Variants in DOK6 observed in about 807,000 individuals in gnomAD.
DOK6 encodes the protein downstream of tyrosine kinase 6.
Under a neutral mutation model 44.0 loss-of-function variants are expected in DOK6, and 22 were observed. The ratio of observed to expected loss-of-function variants is 0.50; its 90% confidence interval spans 0.36 to 0.71. DOK6 has a LOEUF of 0.71. Among genes scored for constraint, DOK6 ranks in the 30% least tolerant of loss-of-function variants. The pLI is 0.00. For missense variants in DOK6, 340 were observed against 416.4 expected (o/e 0.82, Z 1.60); for synonymous variants, 166 against 145.5 (o/e 1.14, Z -1.01).
At chr18:69,733,708 G>T (rs906339259) in intron 5 of DOK6, among the ~76,000 whole-genome samples, 2 of 144,914 alleles carry the variant, frequency 1.4e-5, no homozygotes, top group Non-Finnish European at 3.1e-5. Context: ...ACTTTCACCT[G>T]AAAAATACTT....
chr18:69,702,821 G>A (rs1010208552), intron 5 of DOK6, among the ~76,000 whole-genome samples: 1 of 152,118 alleles, frequency 6.6e-6, no homozygotes, highest in Non-Finnish European at 1.5e-5. Context: ...GACTATGAAT[G>A]AAGTTTAGGA....
chr18:69,522,146 T>A (rs1054490479), intron 1 of DOK6, among the ~76,000 whole-genome samples: 4 of 151,878 alleles, frequency 2.6e-5, no homozygotes, highest in Non-Finnish European at 5.9e-5. Flanking sequence ...AGGGATAATT[T>A]TACACAGTGT....
intron 1 of DOK6, among the ~76,000 whole-genome samples, chr18:69,424,391 A>C (rs1460350097): frequency 1.3e-5 from 2 of 152,146 alleles, no homozygotes; most frequent in Non-Finnish European, 2.9e-5. Context: ...ATGTTTATTG[A>C]CCAATAGATT....
At chr18:69,716,580 C>A (rs949651663) in intron 5 of DOK6, among the ~76,000 whole-genome samples, 1 of 151,664 alleles carries the variant, frequency 6.6e-6, no homozygotes, top group African/African-American at 2.4e-5. Context: ...TGCTAATCTG[C>A]CTCAAAATGT....
At chr18:69,433,990 C>G (rs923397658) in intron 1 of DOK6, among the ~76,000 whole-genome samples, 1 of 152,156 alleles carries the variant, frequency 6.6e-6, no homozygotes, top group South Asian at 2.1e-4. Flanking sequence ...AGCAAAATTT[C>G]CTGATCACAC....
At chr18:69,661,000 A>C (rs1236113900) in intron 3 of DOK6, 1 of 152,132 alleles carries the variant, frequency 6.6e-6, no homozygotes, top group Non-Finnish European at 1.5e-5. Flanking sequence ...TTTGATTACA[A>C]ATTCAACTGA....
intron 1 of DOK6, among the ~76,000 whole-genome samples, chr18:69,480,056 C>T (rs1333541968): frequency 1.3e-5 from 2 of 152,078 alleles, no homozygotes; most frequent in African/African-American, 4.8e-5. Context: ...TATTTGTTGG[C>T]ATATTAATAA....
At position 69,534,461 on chromosome 18, in the gene DOK6, A is replaced by G. The variant is rs138794701; in HGVS notation, c.67-30026A>G. On this transcript the variant is annotated intron_variant, in intron 1 of 7. Coordinates refer to ENST00000382713, the MANE Select transcript of DOK6 (RefSeq NM_152721.6). ...CATCTAAGAATTCCTTCTCAAGCCC[A>G]ATGTAATACACTTATTATTCTATAT... 3.0e-3 allele frequency among the ~76,000 whole-genome samples: 456 copies of G among 152,254 alleles called. 6 individuals carry two copies. Among genetic ancestry groups the G allele is most frequent in the African/African-American group, 0.01 (428 of 41,556 alleles).
chr18:69,700,890 C>G (rs1986504310), intron 5 of DOK6, among the ~76,000 whole-genome samples: 1 of 152,146 alleles, frequency 6.6e-6, no homozygotes, highest in Non-Finnish European at 1.5e-5. Context: ...AAACCAAAGC[C>G]AAAGGCCAAC....
intron 1 of DOK6, among the ~76,000 whole-genome samples, chr18:69,460,551 C>T (rs1441257982): frequency 2.0e-5 from 3 of 152,032 alleles, no homozygotes; most frequent in Non-Finnish European, 4.4e-5. Context: ...TTAATGTTTC[C>T]GTATCTATAT....
At chr18:69,646,427 GA>G (rs961719621) in intron 3 of DOK6, among the ~76,000 whole-genome samples, 3 of 152,002 alleles carry the variant, frequency 2.0e-5, no homozygotes, top group South Asian at 2.1e-4. Context: ...TTATTTTAGG[GA>G]AAAAAATTAC....
chr18:69,482,335 T>C (rs1047964054), intron 1 of DOK6, among the ~76,000 whole-genome samples: 1 of 152,114 alleles, frequency 6.6e-6, no homozygotes, highest in Non-Finnish European at 1.5e-5. Flanking sequence ...CGTGCACTGA[T>C]GGGGATTTTA....
intron 3 of DOK6, among the ~76,000 whole-genome samples, chr18:69,676,494 G>T (rs754391926): frequency 6.6e-6 from 1 of 152,070 alleles, no homozygotes; most frequent in Admixed American, 6.6e-5. Flanking sequence ...TTTTCATGGG[G>T]CATTTAAAAT....
chr18:69,643,958 G>A (rs1227025786), intron 3 of DOK6, among the ~76,000 whole-genome samples: 3 of 152,150 alleles, frequency 2.0e-5, no homozygotes, highest in Admixed American at 6.6e-5. Flanking sequence ...TAGGTGCGTA[G>A]TGACATTTCA....
chr18:69,801,378 CATTA>C (rs1463920037), intron 7 of DOK6, among the ~76,000 whole-genome samples: 2 of 152,110 alleles, frequency 1.3e-5, no homozygotes, highest in Non-Finnish European at 1.5e-5. Context: ...AATTAAAAAT[CATTA>C]ATTAATTTTT....
chr18:69,827,926 A>G (rs928063504), intron 7 of DOK6, among the ~76,000 whole-genome samples: 3 of 151,930 alleles, frequency 2.0e-5, no homozygotes, highest in Non-Finnish European at 4.4e-5. Flanking sequence ...TTCTTAATAT[A>G]TCGTTTTAAG....
chr18:69,809,533 T>C (rs984037580), intron 7 of DOK6, among the ~76,000 whole-genome samples: 2 of 149,740 alleles, frequency 1.3e-5, no homozygotes, highest in Admixed American at 1.3e-4. Context: ...CATGATCTTA[T>C]ATATAGAAAA....
chr18:69,812,933 G>T lies in DOK6; in HGVS notation c.857-28311G>T, dbSNP rs1355494645. On this transcript the variant is annotated intron_variant, in intron 7 of 7. Transcript: ENST00000382713. ...CTACATCTGGTCTCTCCTAGGTGGG[G>T]ATTATGGGGATTACAATTCAAGATG... 2.0e-5 allele frequency among the ~76,000 whole-genome samples: 3 copies of T among 152,172 alleles called. No homozygotes were observed. In the East Asian group the frequency reaches 5.8e-4, roughly 29 times the overall value.
intron 1 of DOK6, among the ~76,000 whole-genome samples, chr18:69,476,657 TGACCTTGA>T (rs1280699552): frequency 2.0e-5 from 3 of 152,196 alleles, no homozygotes; most frequent in Non-Finnish European, 4.4e-5. Flanking sequence ...TCATTGGAGT[TGACCTTGA>T]GAAAGGGGCC....
Sources: gnomAD v4.1 joint callset for allele counts (sites outside exome capture counted in the v4.1 genomes callset) on GRCh38, gnomAD v4.1.1 for gene constraint, MANE v1.5 for transcripts, NCBI Gene and HGNC (gene_info 2026-07-23, HGNC 2026-07-21) for gene names.